ABCA1: variants seen among roughly 807,000 people sequenced by gnomAD.
ABCA1 encodes phospholipid-transporting ATPase ABCA1.
A neutral mutation model predicts 262.5 loss-of-function variants in ABCA1; 133 were observed. That is an observed-to-expected ratio of 0.51 (90% CI 0.44 to 0.59). The LOEUF (loss-of-function observed/expected upper bound fraction) is 0.59. Among genes scored for constraint, ABCA1 ranks in the 20% least tolerant of loss-of-function variants. ABCA1 has a pLI of 0.00. For synonymous variants in ABCA1, 1,022 were observed against 1,043.5 expected (o/e 0.98, Z 0.40); for missense variants, 2,452 against 2,777.5 (o/e 0.88, Z 2.63).
intron 1 of ABCA1, among the ~76,000 whole-genome samples, chr9:104,925,412 C>A (rs1826247648): frequency 6.6e-6 from 1 of 151,692 alleles, no homozygotes; most frequent in Non-Finnish European, 1.5e-5. Flanking sequence ...CCATTATAGG[C>A]CTGCACTCGT....
chr9:104,882,028 T>TAAAAAA lies in ABCA1; in HGVS notation c.421+1005_421+1010dup, dbSNP rs557626075. Among the ~76,000 whole-genome samples, 289 of 73,714 alleles carry TAAAAAA rather than the reference T, an allele frequency of 3.9e-3. 12 individuals are homozygous for TAAAAAA. The highest frequency in any genetic ancestry group is 0.014 in the East Asian group (25 of 1,778). 48.4% of individuals were successfully genotyped at this position (73,714 alleles called of 152,430 possible). A position where few individuals can be genotyped will look rare whatever the true frequency, so the allele number is the denominator to read the frequency against. ...CAAGGAAAGCACAGTTCTGTAGCCT[T>TAAAAAA]AAAAAAAAAAAAAAAAAAAAAAAAA... On this transcript the variant is annotated intron_variant, in intron 5 of 49. Coordinates refer to ENST00000374736, the MANE Select transcript of ABCA1 (RefSeq NM_005502.4).
intron 1 of ABCA1, among the ~76,000 whole-genome samples, chr9:104,908,075 A>G (rs1267476361): frequency 6.6e-6 from 1 of 152,228 alleles, no homozygotes; most frequent in Admixed American, 6.5e-5. Context: ...AACACTCATC[A>G]TTAGCTGCAG....
chr9:104,906,582 C>A (rs1841157016), intron 1 of ABCA1, among the ~76,000 whole-genome samples: 1 of 151,928 alleles, frequency 6.6e-6, no homozygotes, highest in Non-Finnish European at 1.5e-5. Flanking sequence ...CTGACCTGGC[C>A]TCCTGCACAA....
At chr9:104,871,421 G>A (rs550097711) in intron 5 of ABCA1, among the ~76,000 whole-genome samples, 1 of 152,182 alleles carries the variant, frequency 6.6e-6, no homozygotes, top group African/African-American at 2.4e-5. Context: ...TAGAATGAGG[G>A]TTGAAGACCC....
intron 1 of ABCA1, among the ~76,000 whole-genome samples, chr9:104,921,067 C>A (rs1284836801): frequency 7.2e-6 from 1 of 138,502 alleles, no homozygotes; most frequent in Non-Finnish European, 1.5e-5. Flanking sequence ...TCCAAGATGT[C>A]CTAATACTAA....
At position 104,783,172 on chromosome 9, in the gene ABCA1, T is replaced by C. The variant is rs1280230130; in HGVS notation, c.*1143A>G. 1 of 152,114 alleles carries C rather than the reference T, an allele frequency of 6.6e-6. No individual in the cohort carries two copies. Among genetic ancestry groups the C allele is most frequent in the Admixed American group, 6.6e-5 (1 of 15,264 alleles). The allele number at this position is 152,114 out of a possible 1,614,324, so 9.4% of individuals were successfully genotyped here. On this transcript the variant is annotated 3_prime_UTR_variant, in exon 50 of 50. Coordinates refer to ENST00000374736, the MANE Select transcript of ABCA1 (RefSeq NM_005502.4). ...GCAAACTTACATAAGAAAATAAAAA[T>C]AGTGGGGCAGTGGCCATACTCCTCT...
At chr9:104,865,367 T>C (rs114415472) in intron 5 of ABCA1, among the ~76,000 whole-genome samples, 1,811 of 152,046 alleles carry the variant, frequency 0.012, 38 homozygotes, top group African/African-American at 0.041. Context: ...CATATCAAAA[T>C]TAGCTGAGTG....
chr9:104,844,387 A>G (rs1834672010), intron 8 of ABCA1, among the ~76,000 whole-genome samples: 2 of 152,002 alleles, frequency 1.3e-5, no homozygotes, highest in Admixed American at 1.3e-4. Flanking sequence ...AGGAACCCAA[A>G]AGTCAGACCT....
intron 1 of ABCA1, among the ~76,000 whole-genome samples, chr9:104,913,344 G>A (rs1406012905): frequency 6.6e-6 from 1 of 152,168 alleles, no homozygotes; most frequent in Non-Finnish European, 1.5e-5. Flanking sequence ...CTACTCACCA[G>A]CTCTGGAACC....
chr9:104,806,429 C>A lies in ABCA1; in HGVS notation c.4276G>T (p.Asp1426Tyr). The A allele has an allele frequency of 6.2e-7, 1 of 1,614,106 alleles. No homozygotes were observed. The highest frequency in any genetic ancestry group is 8.5e-7 in the Non-Finnish European group (1 of 1,180,014). Residue 1426 changes from aspartate (D) to tyrosine (Y), a missense_variant and splice_region_variant, in exon 31 of 50, where the codon GAC becomes TAC. By Grantham distance (160) the Asp-to-Tyr change is radical. Coordinates refer to ENST00000374736, the MANE Select transcript of ABCA1 (RefSeq NM_005502.4). ...TRCMEGNPIP[D>Y]TPCQAGEEEW... ...TCCTCCCCTGCCTGGCAGGGCGTGTCTCTGCAAAGGGAAGACAGCAAGAGT... is the reference window on the plus strand; with the variant it reads ...TCCTCCCCTGCCTGGCAGGGCGTGTATCTGCAAAGGGAAGACAGCAAGAGT...
intron 1 of ABCA1, among the ~76,000 whole-genome samples, chr9:104,920,160 T>G (rs1411324192): frequency 6.6e-6 from 1 of 152,222 alleles, no homozygotes; most frequent in Non-Finnish European, 1.5e-5. Context: ...GTCACATGGC[T>G]TAATGGATTT....
At position 104,787,960 on chromosome 9, in the gene ABCA1, G is replaced by A. The variant is rs1829069695; in HGVS notation, c.6164C>T (p.Thr2055Ile). ...YSGGNKRKLS[T>I]AMALIGGPPV... ...AGGCCCGCCGATCAAAGCCATGGCTGTAGAGAGCTTGCGTTTGTTGCCTCC... is the reference window on the plus strand; with the variant it reads ...AGGCCCGCCGATCAAAGCCATGGCTATAGAGAGCTTGCGTTTGTTGCCTCC... The change falls in exon 46 of 50, where the codon ACA becomes ATA. Residue 2055 changes from threonine (T) to isoleucine (I), a missense_variant. Around this residue, in one of 4 missense-constraint regions of ABCA1, gnomAD observed 752 missense variants for 944.5 expected, o/e 0.80. Transcript: ENST00000374736. 6.2e-7 allele frequency: 1 copy of A among 1,614,092 alleles called. No homozygotes were observed. Among genetic ancestry groups the A allele is most frequent in the Non-Finnish European group, 8.5e-7 (1 of 1,180,052 alleles).
At chr9:104,891,996 A>AG (rs1839797622) in intron 2 of ABCA1, among the ~76,000 whole-genome samples, 1 of 136,072 alleles carries the variant, frequency 7.3e-6, no homozygotes, top group Non-Finnish European at 1.6e-5. Context: ...AAAAAAAAAA[A>AG]GTGATGTTTT....
intron 16 of ABCA1, 52 bp from the exon 17 acceptor site, chr9:104,825,939 T>C: frequency 6.3e-7 from 1 of 1,582,444 alleles, no homozygotes; most frequent in Non-Finnish European, 8.7e-7. Flanking sequence ...GTCTCATTTT[T>C]CTATCTCTTC....
At chr9:104,910,843 T>C (rs774579064) in intron 1 of ABCA1, among the ~76,000 whole-genome samples, 3 of 152,300 alleles carry the variant, frequency 2.0e-5, no homozygotes, top group East Asian at 1.9e-4. Flanking sequence ...TAGCTGGGAT[T>C]ACAGGTGCCC....
Position 104,827,062 on chromosome 9 carries a change from G to A in ABCA1, c.2223C>T (p.Ser741=), listed in dbSNP as rs775473269. 1.4e-5 allele frequency: 22 copies of A among 1,614,058 alleles called. No individual in the cohort carries two copies. The Admixed American group carries it at 2.0e-4, about 15-fold the overall frequency. Residue 741 remains serine (S), a synonymous_variant, in exon 16 of 50, where the codon TCC becomes TCT. Transcript: ENST00000374736. The part of the protein sequence containing the change: ...LQCFLISTLF[S]RANLAAACGG... ...CACAGGCTGCTGCCAGGTTGGCTCT[G>A]GAGAAGAGTGTGCTAATCAGGAAGC...
intron 30 of ABCA1, 87 bp from the exon 31 acceptor site, chr9:104,806,517 A>G (rs1005756166): frequency 4.6e-6 from 6 of 1,312,752 alleles, no homozygotes; most frequent in African/African-American, 1.4e-5. Flanking sequence ...TTCCGTAACA[A>G]CCACAAACAT....
chr9:104,808,439 C>T lies in ABCA1; in HGVS notation c.4274+1027G>A, dbSNP rs184867742. Among the ~76,000 whole-genome samples the T allele has an allele frequency of 3.3e-5, 5 of 152,294 alleles. No individual in the cohort carries two copies. In the East Asian group the frequency reaches 9.6e-4, roughly 29 times the overall value. On this transcript the variant is annotated intron_variant, in intron 30 of 49. Coordinates refer to ENST00000374736, the MANE Select transcript of ABCA1 (RefSeq NM_005502.4). ...CAACCTTCATGTGGAAAATCAAAGGCACCATGAAATCCAGATAGGCCGTGT... is the reference window on the plus strand; with the variant it reads ...CAACCTTCATGTGGAAAATCAAAGGTACCATGAAATCCAGATAGGCCGTGT...
chr9:104,861,760 G>A lies in ABCA1; in HGVS notation c.462C>T (p.Phe154=), dbSNP rs1836410863. 1 of 1,613,350 alleles carries A rather than the reference G, an allele frequency of 6.2e-7. No homozygotes were observed. Among genetic ancestry groups the A allele is most frequent in the Non-Finnish European group, 8.5e-7 (1 of 1,179,746 alleles). The change falls in exon 6 of 50, where the codon TTC becomes TTT. Residue 154 remains phenylalanine, a synonymous_variant. Transcript: ENST00000374736. ...AGAGGTTGTGATACAGGAACCCAGAGAAGGTTTCATTGTCCACCAGGAAAT... is the reference window on the plus strand; with the variant it reads ...AGAGGTTGTGATACAGGAACCCAGAAAAGGTTTCATTGTCCACCAGGAAAT... ...LQDFLVDNET[F]SGFLYHNLSL...
Sources: gnomAD v4.1 joint callset for allele counts (sites outside exome capture counted in the v4.1 genomes callset) on GRCh38, gnomAD v4.1.1 for gene constraint, gnomAD v4.1.1 regional missense constraint, MANE v1.5 for transcripts, NCBI Gene and HGNC (gene_info 2026-07-23, HGNC 2026-07-21) for gene names.